DYNC1H1: variants seen among roughly 807,000 people sequenced by gnomAD.
DYNC1H1 encodes the protein dynein cytoplasmic 1 heavy chain 1, also known as cytoplasmic dynein 1 heavy chain 1.
A neutral mutation model predicts 527.1 loss-of-function variants in DYNC1H1; 51 were observed. The observed-to-expected ratio is 0.10, with a 90% confidence interval of 0.08 to 0.12. The LOEUF (loss-of-function observed/expected upper bound fraction) is 0.12, where lower values mean the gene tolerates loss of function less well. DYNC1H1 is among the 10% of genes least tolerant of loss of function. The pLI, the probability that DYNC1H1 is intolerant of heterozygous loss-of-function variation, is 1.00. For missense variants in DYNC1H1, 2,771 were observed against 5,971.8 expected, an observed-to-expected ratio of 0.46 and a Z score of 17.66; for synonymous variants, 2,189 against 2,278.8, an observed-to-expected ratio of 0.96 and a Z score of 1.12.
chr14:102,049,776 G>A lies in DYNC1H1; in HGVS notation c.13578G>A (p.Gln4526=). ...VPEAYITATR[Q]YVAQANSWSL... is the part of the protein sequence containing the mutation. ...AGGCGTACATCACTGCCACCAGGCA[G>A]TATGTGGCCCAGGCCAACAGCTGGT... is the stretch of plus-strand genomic sequence containing the variant. Residue 4526 remains glutamine (Q), a synonymous_variant, in exon 76 of 78, where the codon CAG becomes CAA. Transcript: ENST00000360184. This position sits in a 1 kb window ranked among gnomAD's most constrained non-coding sequence, Gnocchi z 5.5. The A allele has an allele frequency of 6.2e-7, 1 of 1,613,910 alleles. No individual in the cohort carries two copies. Among genetic ancestry groups the A allele is most frequent in the Non-Finnish European group, 8.5e-7 (1 of 1,180,030 alleles).
In DYNC1H1 at chr14:102,042,333, A is replaced by C; in HGVS notation, c.12275+45A>C. ...CTGAAGAAAGCCTTAGTCCCCAGGC[A>C]TTCAGGCAGGCAGCCTGGCATGCTG... On this transcript the variant is annotated intron_variant, in intron 67 of 77. Coordinates refer to ENST00000360184, the MANE Select transcript of DYNC1H1 (RefSeq NM_001376.5). The surrounding 1 kb of genome is among the most constrained non-coding windows in gnomAD (Gnocchi z 5.7). 6.2e-7 allele frequency: 1 copy of C among 1,614,168 alleles called. No individual in the cohort carries two copies. The highest frequency in any genetic ancestry group is 8.5e-7 in the Non-Finnish European group (1 of 1,180,020).
In DYNC1H1 at chr14:102,016,098, T is replaced by G. The variant is rs541142017; in HGVS notation, c.7473+12T>G. The G allele has an allele frequency of 4.4e-6, 7 of 1,592,774 alleles. No homozygotes were observed. The Middle Eastern group carries it at 6.6e-4, about 151-fold the overall frequency. On this transcript the variant is annotated intron_variant, in intron 36 of 77. Transcript: ENST00000360184. This position sits in a 1 kb window ranked among gnomAD's most constrained non-coding sequence, Gnocchi z 7.3. ...AGCGCTACATTCAGGTCAGGGGGCA[T>G]CAGGGGCTTCACAGAGCTCACCACT...
chr14:101,974,917 C>T (rs1054643208), intron 1 of DYNC1H1, among the ~76,000 whole-genome samples: 4 of 152,246 alleles, frequency 2.6e-5, no homozygotes, highest in South Asian at 2.1e-4. Flanking sequence ...AGCTCACAGC[C>T]GGGGAGGAAG....
At position 101,979,058 on chromosome 14, in the gene DYNC1H1, A is replaced by G. The variant is rs932159173; in HGVS notation, c.345-261A>G. Among the ~76,000 whole-genome samples, 4 of 152,200 alleles carry G rather than the reference A, an allele frequency of 2.6e-5. No individual in the cohort carries two copies. Among genetic ancestry groups the G allele is most frequent in the African/African-American group, 9.7e-5 (4 of 41,438 alleles). On this transcript the variant is annotated intron_variant, in intron 2 of 77. Coordinates refer to ENST00000360184, the MANE Select transcript of DYNC1H1 (RefSeq NM_001376.5). The surrounding 1 kb of genome is among the most constrained non-coding windows in gnomAD (Gnocchi z 4.6). ...AAGATCAGATTTAAGTACTACTTAT[A>G]TTTCTAGGGCAGGTTAGTTTTAGGC...
Position 101,985,897 on chromosome 14 carries a change from G to A in DYNC1H1, c.1672G>A (p.Asp558Asn). Residue 558 changes from aspartate to asparagine, a missense_variant, in exon 8 of 78, where the codon GAC becomes AAC. Physicochemically the swap from Asp to Asn is conservative, Grantham distance 23 (BLOSUM62 1). This residue lies in a region of DYNC1H1 where 264 missense variants were observed against 619.4 expected (regional missense o/e 0.43). Transcript: ENST00000360184. The surrounding 1 kb of genome is among the most constrained non-coding windows in gnomAD (Gnocchi z 5.9). ...TATGAAGAGGTACGATGAGAGGATC[G>A]ACAGAGTGGAGACCCGGATCACCGC... ...AAMKRYDERI[D>N]RVETRITARL... 2.5e-6 allele frequency: 4 copies of A among 1,614,230 alleles called. No individual in the cohort carries two copies. The highest frequency in any genetic ancestry group is 1.7e-5 in the Admixed American group (1 of 60,028).
chr14:102,020,463 C>T lies in DYNC1H1; in HGVS notation c.8507+407C>T, dbSNP rs1275784801. ...ACCTTACCAGAGCACGGGTTCACTG[C>T]TGAGTTAAAAGGTCTCCCAACAACT... On this transcript the variant is annotated intron_variant, in intron 42 of 77. Transcript: ENST00000360184. The surrounding 1 kb of genome is among the most constrained non-coding windows in gnomAD (Gnocchi z 4.3). Among the ~76,000 whole-genome samples the T allele has an allele frequency of 6.6e-6, 1 of 152,138 alleles. No individual in the cohort carries two copies. The highest frequency in any genetic ancestry group is 1.5e-5 in the Non-Finnish European group (1 of 68,026).
At chr14:102,050,326 T>C (rs889001808) in intron 77 of DYNC1H1, 109 bp from the exon 78 acceptor site, 2 of 1,610,988 alleles carry the variant, frequency 1.2e-6, no homozygotes, top group Non-Finnish European at 1.7e-6. Context: ...GAAATCCATT[T>C]CGCACCTGTC....
intron 34 of DYNC1H1, among the ~76,000 whole-genome samples, chr14:102,014,351 T>C (rs747768618): frequency 1.5e-4 from 23 of 152,044 alleles, no homozygotes; most frequent in Non-Finnish European, 1.9e-4. Context: ...CTGACCAACA[T>C]GATGAAACCC....
chr14:102,030,408 A>G (rs1244729170), intron 51 of DYNC1H1, 126 bp downstream of exon 51: 7 of 1,413,836 alleles, frequency 5.0e-6, no homozygotes, highest in East Asian at 4.6e-5. Flanking sequence ...CAAAAATATC[A>G]TTAGTAACCA....
rs1174758980 is a variant in DYNC1H1, at chr14:102,001,010, G to A, written c.4131G>A (p.Leu1377=). The part of the protein sequence containing the change: ...LNQLKSFPAR[L]RQYASYEFVQ... Reference sequence around the variant, plus strand: ...AGCTGAAAAGCTTCCCTGCCCGGTTGCGACAGTATGCGTCCTATGAGTTTG... The same window carrying A: ...AGCTGAAAAGCTTCCCTGCCCGGTTACGACAGTATGCGTCCTATGAGTTTG... Residue 1377 remains leucine (L), a synonymous_variant, in exon 19 of 78, where the codon TTG becomes TTA. Transcript: ENST00000360184. This position sits in a 1 kb window ranked among gnomAD's most constrained non-coding sequence, Gnocchi z 5.0. The A allele has an allele frequency of 6.2e-7, 1 of 1,614,114 alleles. No homozygotes were observed. The highest frequency in any genetic ancestry group is 8.5e-7 in the Non-Finnish European group (1 of 1,180,056).
Position 102,001,498 on chromosome 14 carries a change from C to T in DYNC1H1, c.4396-37C>T. The T allele has an allele frequency of 6.2e-7, 1 of 1,614,082 alleles. No homozygotes were observed. The highest frequency in any genetic ancestry group is 8.5e-7 in the Non-Finnish European group (1 of 1,179,994). On this transcript the variant is annotated intron_variant, in intron 20 of 77. Transcript: ENST00000360184. This position sits in a 1 kb window ranked among gnomAD's most constrained non-coding sequence, Gnocchi z 5.0. The stretch of plus-strand genomic sequence containing the variant: ...CCCTTGTGCAGGTAGTGAATGCCCA[C>T]ATATTGATAACATGCATCTTTCTGG...
chr14:102,025,544 AGAGT>A (rs756809205), intron 43 of DYNC1H1, among the ~76,000 whole-genome samples: 87 of 146,404 alleles, frequency 5.9e-4, no homozygotes, highest in Non-Finnish European at 8.2e-4. Flanking sequence ...CCTGGGTGAC[AGAGT>A]GAGACCCTGT....
chr14:101,966,022 C>T (rs1266478559), intron 1 of DYNC1H1, among the ~76,000 whole-genome samples: 4 of 152,128 alleles, frequency 2.6e-5, no homozygotes, highest in African/African-American at 4.8e-5. Flanking sequence ...GTGGCGTGTC[C>T]ATCTAAGAAC....
chr14:102,036,379 G>T lies in DYNC1H1; in HGVS notation c.10755-110G>T. 1 of 1,430,824 alleles carries T rather than the reference G, an allele frequency of 7.0e-7. No homozygotes were observed. Among genetic ancestry groups the T allele is most frequent in the Non-Finnish European group, 9.8e-7 (1 of 1,021,160 alleles). 88.6% of individuals were successfully genotyped at this position (1,430,824 alleles called of 1,614,324 possible). The stretch of plus-strand genomic sequence containing the variant: ...ACGTCTCCGGAAACCACTCTCGGGT[G>T]GTGGTAACAGCCTATCAATCAGGGT... On this transcript the variant is annotated intron_variant, in intron 56 of 77. Coordinates refer to ENST00000360184, the MANE Select transcript of DYNC1H1 (RefSeq NM_001376.5). The surrounding 1 kb of genome is among the most constrained non-coding windows in gnomAD (Gnocchi z 5.6).
rs1303099990 is a variant in DYNC1H1 at position 102,000,384 on chromosome 14, A to C, written c.4059A>C (p.Ser1353=). ...IDQMKEQPWV[S]VQPRKLRQNL... is the part of the protein sequence containing the mutation. Reference sequence around the variant, plus strand: ...AGATGAAGGAGCAACCCTGGGTTTCAGTACAGCCTCGAAAGGTATATCATG... The same window carrying C: ...AGATGAAGGAGCAACCCTGGGTTTCCGTACAGCCTCGAAAGGTATATCATG... Residue 1353 remains serine (S), a synonymous_variant, in exon 18 of 78, where the codon TCA becomes TCC. Transcript: ENST00000360184. 1 of 1,614,040 alleles carries C rather than the reference A, an allele frequency of 6.2e-7. No individual in the cohort carries two copies. The highest frequency in any genetic ancestry group is 8.5e-7 in the Non-Finnish European group (1 of 1,180,032).
At position 102,044,767 on chromosome 14, in the gene DYNC1H1, G is replaced by A. The variant is rs953378891; in HGVS notation, c.13006+69G>A. 12 of 1,431,256 alleles carry A rather than the reference G, an allele frequency of 8.4e-6. No individual in the cohort carries two copies. In the East Asian group the frequency reaches 9.1e-5, roughly 11 times the overall value. The allele number at this position is 1,431,256 out of a possible 1,614,324, so 88.7% of individuals were successfully genotyped here. A position where few individuals can be genotyped will look rare whatever the true frequency, so the allele number is the denominator to read the frequency against. ...GGTCCCCTCACGCGGGGTGGGTGGC[G>A]AGGGTCCCCACACGCAGGGTGAGTG... On this transcript the variant is annotated intron_variant, in intron 72 of 77. Transcript: ENST00000360184. This position sits in a 1 kb window ranked among gnomAD's most constrained non-coding sequence, Gnocchi z 7.1.
chr14:102,006,662 G>A (rs1416781356), intron 27 of DYNC1H1, among the ~76,000 whole-genome samples: 1 of 151,048 alleles, frequency 6.6e-6, no homozygotes, highest in East Asian at 1.9e-4. Context: ...GTTCAGTGGT[G>A]CAACCTTGGC....
Position 102,040,684 on chromosome 14 carries a change from C to G in DYNC1H1, c.11941+11C>G. ...AAGAAACACCTGCAAGTAAGCCCCA[C>G]TGTGGTTTTCTTTCTGGACCTGAAT... is the stretch of plus-strand genomic sequence containing the variant. On this transcript the variant is annotated intron_variant, in intron 64 of 77. Coordinates refer to ENST00000360184, the MANE Select transcript of DYNC1H1 (RefSeq NM_001376.5). 6.2e-7 allele frequency: 1 copy of G among 1,614,216 alleles called. No individual in the cohort carries two copies. The highest frequency in any genetic ancestry group is 1.1e-5 in the South Asian group (1 of 91,086).
At position 102,038,449 on chromosome 14, in the gene DYNC1H1, G is replaced by A. The variant is rs771307756; in HGVS notation, c.10909-11G>A. ...GCCCTGACCATCAAGTTCCACCCGT[G>A]TGGAATGCAGGATGTGGAAAGCTAC... On this transcript the variant is annotated splice_polypyrimidine_tract_variant and intron_variant, in intron 57 of 77. Coordinates refer to ENST00000360184, the MANE Select transcript of DYNC1H1 (RefSeq NM_001376.5). This position sits in a 1 kb window ranked among gnomAD's most constrained non-coding sequence, Gnocchi z 7.2. 5.6e-6 allele frequency: 9 copies of A among 1,613,728 alleles called. No individual in the cohort carries two copies. The East Asian group carries it at 2.0e-4, about 36-fold the overall frequency.
Sources: allele counts gnomAD v4.1 joint callset (sites outside exome capture counted in the v4.1 genomes callset), GRCh38; gene constraint gnomAD v4.1.1; regional missense constraint gnomAD v4.1.1; non-coding constraint Gnocchi (gnomAD v3.1); transcripts MANE v1.5; gene names NCBI Gene and HGNC (gene_info 2026-07-23, HGNC 2026-07-21).